Variants in COL2A1 observed in about 807,000 individuals in gnomAD.
COL2A1 encodes the protein collagen alpha-1(II) chain.
Under a neutral mutation model 204.5 loss-of-function variants are expected in COL2A1, and 28 were observed. The ratio of observed to expected loss-of-function variants is 0.14; its 90% CI spans 0.10 to 0.19. The LOEUF (loss-of-function observed/expected upper bound fraction) is 0.19. COL2A1 is among the 10% of genes least tolerant of loss of function. The pLI is 1.00. For synonymous variants in COL2A1, 708 were observed against 718.7 expected (o/e 0.99, Z 0.24); for missense variants, 1,388 against 2,027.5 (o/e 0.68, Z 6.06).
chr12:47,974,388 G>C (rs41272765), intron 52 of COL2A1, 57 bp from the exon 53 acceptor site: 20 of 1,599,064 alleles, frequency 1.3e-5, no homozygotes, highest in Non-Finnish European at 1.6e-5. Context: ...AATGGGACCA[G>C]GGGCTGTAGG....
intron 44 of COL2A1, 121 bp downstream of exon 44, chr12:47,977,889 G>T: frequency 9.7e-7 from 1 of 1,031,430 alleles, no homozygotes; most frequent in Non-Finnish European, 1.5e-6. Context: ...AGGCCTGTCG[G>T]CCGACACTGC....
intron 4 of COL2A1, 37 bp from the exon 5 acceptor site, chr12:47,998,101 G>A (rs201939474): frequency 4.3e-6 from 7 of 1,614,202 alleles, no homozygotes; most frequent in East Asian, 2.2e-5. Context: ...TAAGTTAGAG[G>A]AGAGCACAAG....
chr12:47,995,790 T>C (rs756995776), intron 9 of COL2A1, 27 bp from the exon 10 acceptor site: 3 of 1,613,382 alleles, frequency 1.9e-6, no homozygotes, highest in Admixed American at 3.3e-5. Flanking sequence ...GGATACCAGG[T>C]CAATCCCTAT....
At chr12:48,006,031 ACCAGTTT>A (rs1394181250), upstream of COL2A1, 1 of 152,234 alleles carries the variant, frequency 6.6e-6, no homozygotes, top group Non-Finnish European at 1.5e-5. Flanking sequence ...GAAGAATTCA[ACCAGTTT>A]CCAGCATCTC....
intron 1 of COL2A1, among the ~76,000 whole-genome samples, chr12:48,002,146 C>T (rs41272787): frequency 2.1e-4 from 32 of 152,278 alleles, no homozygotes; most frequent in African/African-American, 7.5e-4. Flanking sequence ...TAAATACGGG[C>T]AGCGTTTCAG....
At chr12:47,974,064 T>C in intron 53 of COL2A1, 25 bp downstream of exon 53, 1 of 1,614,106 alleles carries the variant, frequency 6.2e-7, no homozygotes, top group Non-Finnish European at 8.5e-7. Context: ...CACAGGCAGC[T>C]CTTCTCTCTG....
chr12:47,983,795 G>C (rs1939232233), intron 29 of COL2A1, 59 bp from the exon 30 acceptor site: 1 of 1,535,606 alleles, frequency 6.5e-7, no homozygotes, highest in East Asian at 2.4e-5. Context: ...GAGAGCCACA[G>C]CTAGTAGGGC....
chr12:47,978,789 T>G lies in COL2A1; in HGVS notation c.2734-31A>C. 2 of 1,607,522 alleles carry G rather than the reference T, an allele frequency of 1.2e-6. No homozygotes were observed. The highest frequency in any genetic ancestry group is 1.7e-6 in the Non-Finnish European group (2 of 1,178,778). ...AGGAGAAAATGCGGGAAGTGAGGAC[T>G]CATCTCACCCTTCCTCATCCAGGCT... On this transcript the variant is annotated intron_variant, in intron 41 of 53. Coordinates refer to ENST00000380518, the MANE Select transcript of COL2A1 (RefSeq NM_001844.5). The surrounding 1 kb of genome is among the most constrained non-coding windows in gnomAD (Gnocchi z 5.5).
chr12:47,997,838 CA>C (rs762693416), intron 6 of COL2A1, 32 bp downstream of exon 6: 35 of 1,613,742 alleles, frequency 2.2e-5, no homozygotes, highest in Non-Finnish European at 2.6e-5. Context: ...CTGGGAAGTC[CA>C]CCAGGGTCAA....
At chr12:47,991,425 C>T (rs1422282086) in intron 16 of COL2A1, among the ~76,000 whole-genome samples, 1 of 152,144 alleles carries the variant, frequency 6.6e-6, no homozygotes, top group Non-Finnish European at 1.5e-5. Context: ...ATGAGCCTAC[C>T]CCGTGTCTGG....
intron 50 of COL2A1, 115 bp from the exon 51 acceptor site, chr12:47,975,720 G>T: frequency 1.7e-6 from 2 of 1,182,388 alleles, no homozygotes; most frequent in East Asian, 2.5e-5. Context: ...TGGGTGGGGC[G>T]GAGGTGTAGC....
chr12:47,995,981 C>T, intron 8 of COL2A1, 62 bp from the exon 9 acceptor site: 1 of 1,337,654 alleles, frequency 7.5e-7, no homozygotes, highest in Non-Finnish European at 1.1e-6. Flanking sequence ...CTCCAGTGTG[C>T]CATCTTCTCC....
chr12:47,982,193 G>A (rs1244691820), intron 34 of COL2A1, 33 bp from the exon 35 acceptor site: 1 of 1,594,584 alleles, frequency 6.3e-7, no homozygotes, highest in African/African-American at 1.3e-5. Flanking sequence ...GCCTCAGCCA[G>A]GCACCCCAGG....
intron 12 of COL2A1, 109 bp from the exon 13 acceptor site, chr12:47,994,156 C>G (rs554528930): frequency 1.6e-6 from 2 of 1,252,568 alleles, no homozygotes; most frequent in East Asian, 2.3e-5. Flanking sequence ...GGCGTTGTCT[C>G]GAATCCCCAC....
intron 23 of COL2A1, 70 bp downstream of exon 23, chr12:47,986,266 G>T (rs1043786261): frequency 9.5e-7 from 1 of 1,052,498 alleles, no homozygotes; most frequent in Non-Finnish European, 1.4e-6. Flanking sequence ...CCAGAACACG[G>T]ACCACAAGGA....
Position 47,995,723 on chromosome 12 carries a change from T to C in COL2A1, c.695A>G (p.Glu232Gly). 6.2e-7 allele frequency: 1 copy of C among 1,613,876 alleles called. No individual in the cohort carries two copies. Among genetic ancestry groups the C allele is most frequent in the Non-Finnish European group, 8.5e-7 (1 of 1,179,914 alleles). ...GFQGNPGEPG[E>G]PGVSGPMGPR... Reference sequence around the variant, plus strand: ...GCTGGTACTCACAGAGACACCAGGTTCACCAGGTTCACCAGGATTGCCTTG... The same window carrying C: ...GCTGGTACTCACAGAGACACCAGGTCCACCAGGTTCACCAGGATTGCCTTG... The change falls in exon 10 of 54, where the codon GAA (glutamate) becomes GGA (glycine). Residue 232 changes from glutamate (E) to glycine (G), a missense_variant. Glu to Gly is a moderately conservative substitution (Grantham distance 98, BLOSUM62 -2). Around this residue, in one of 3 missense-constraint regions of COL2A1, gnomAD observed 884 missense variants for 1,415.8 expected, o/e 0.62. Coordinates refer to ENST00000380518, the MANE Select transcript of COL2A1 (RefSeq NM_001844.5).
At chr12:47,986,941 C>G in intron 21 of COL2A1, 53 bp from the exon 22 acceptor site, 1 of 1,609,304 alleles carries the variant, frequency 6.2e-7, no homozygotes, top group South Asian at 1.1e-5. Flanking sequence ...GAGCCTGCCC[C>G]TCCCCAGAAC....
Position 47,987,308 on chromosome 12 carries a change from G to A in COL2A1, c.1227C>T (p.Asn409=). Residue 409 remains asparagine, a synonymous_variant, in exon 20 of 54, where the codon AAC becomes AAT. Coordinates refer to ENST00000380518, the MANE Select transcript of COL2A1 (RefSeq NM_001844.5). The surrounding 1 kb of genome is among the most constrained non-coding windows in gnomAD (Gnocchi z 4.1). Reference sequence around the variant, plus strand: ...CTCCAGGAATTCCATCTGTTCCAGGGTTACCCTGAAAAGGGAGACATTGTC... The same window carrying A: ...CTCCAGGAATTCCATCTGTTCCAGGATTACCCTGAAAAGGGAGACATTGTC... The part of the protein sequence containing the change: ...GSPGPAGASG[N]PGTDGIPGAK... The A allele has an allele frequency of 6.2e-7, 1 of 1,614,074 alleles. No individual in the cohort carries two copies. Among genetic ancestry groups the A allele is most frequent in the Non-Finnish European group, 8.5e-7 (1 of 1,179,986 alleles).
At chr12:47,985,439 T>C in intron 26 of COL2A1, 95 bp downstream of exon 26, 1 of 1,295,160 alleles carries the variant, frequency 7.7e-7, no homozygotes, top group South Asian at 1.2e-5. Context: ...TCACAGTACT[T>C]CAGGCCTCCC....
Sources: gnomAD v4.1 joint callset for allele counts (sites outside exome capture counted in the v4.1 genomes callset) on GRCh38, gnomAD v4.1.1 for gene constraint, gnomAD v4.1.1 regional missense constraint, Gnocchi (gnomAD v3.1) non-coding constraint, MANE v1.5 for transcripts, NCBI Gene and HGNC (gene_info 2026-07-23, HGNC 2026-07-21) for gene names.